DMD: variants seen among roughly 807,000 people sequenced by gnomAD.
DMD encodes mutant dystrophin.
In DMD, 63 loss-of-function variants were observed where a neutral mutation model predicts 330.1. That is an observed-to-expected ratio of 0.19 (90% confidence interval 0.16 to 0.24). The LOEUF (loss-of-function observed/expected upper bound fraction) is 0.24, where lower values mean the gene tolerates loss of function less well. DMD is among the 10% of genes least tolerant of loss of function. The pLI is 1.00. For missense variants in DMD, 3,344 were observed against 2,684.1 expected (o/e 1.25, Z -5.43); for synonymous variants, 1,223 against 959.8 (o/e 1.27, Z -5.07).
chrX:33,116,417 G>C (rs1478994241), intron 1 of DMD, among the ~76,000 whole-genome samples: 1 of 110,477 alleles, frequency 9.1e-6, no homozygotes, highest in Non-Finnish European at 1.9e-5. Flanking sequence ...GCTGAGGTGG[G>C]AGGATCACTT....
chrX:31,596,881 C>T (rs1384646219), intron 55 of DMD, among the ~76,000 whole-genome samples: 2 of 112,096 alleles, frequency 1.8e-5, no homozygotes, highest in African/African-American at 6.5e-5. Flanking sequence ...CTGGGACCTA[C>T]TGAATCAGCA....
At chrX:31,584,746 G>C (rs1478425650) in intron 55 of DMD, among the ~76,000 whole-genome samples, 1 of 111,191 alleles carries the variant, frequency 9.0e-6, no homozygotes. Flanking sequence ...CAGGTGGAGG[G>C]GTGAAGGAGC....
intron 55 of DMD, among the ~76,000 whole-genome samples, chrX:31,522,901 A>G (rs1376418499): frequency 9.0e-6 from 1 of 111,386 alleles, no homozygotes; most frequent in Non-Finnish European, 1.9e-5. Context: ...GGAGTCAGAC[A>G]GTCTATGTTG....
At chrX:32,927,408 G>C (rs1327955959) in intron 2 of DMD, among the ~76,000 whole-genome samples, 1 of 80,387 alleles carries the variant, frequency 1.2e-5, no homozygotes, top group Non-Finnish European at 2.3e-5. Flanking sequence ...CACTCTTGTT[G>C]CCCAGGCTGG....
At chrX:31,906,867 C>A (rs1239642327) in intron 47 of DMD, among the ~76,000 whole-genome samples, 1 of 111,977 alleles carries the variant, frequency 8.9e-6, no homozygotes, top group Non-Finnish European at 1.9e-5. Context: ...AATTTCAGGT[C>A]CATGTCTTAA....
chrX:33,193,176 A>C (rs989403875), intron 1 of DMD, among the ~76,000 whole-genome samples: 17 of 110,916 alleles, frequency 1.5e-4, no homozygotes, highest in African/African-American at 2.6e-4. Flanking sequence ...GCATGGTGGG[A>C]CCCGCCTGTA....
chrX:32,475,174 G>C, intron 21 of DMD, among the ~76,000 whole-genome samples: 1 of 110,689 alleles, frequency 9.0e-6, no homozygotes. Context: ...TAAGTATTTT[G>C]GTTTATTTCT....
At chrX:31,831,268 A>G (rs2093023057) in intron 49 of DMD, among the ~76,000 whole-genome samples, 1 of 112,424 alleles carries the variant, frequency 8.9e-6, no homozygotes. Flanking sequence ...GAGCTCTACA[A>G]TTCTAGAATA....
intron 15 of DMD, among the ~76,000 whole-genome samples, chrX:32,571,415 C>G (rs766955358): frequency 9.0e-6 from 1 of 111,486 alleles, no homozygotes; most frequent in South Asian, 3.8e-4. Context: ...AATCTTTATT[C>G]TCCTCACTTT....
chrX:32,014,132 T>C (rs1193008762), intron 44 of DMD, among the ~76,000 whole-genome samples: 2 of 112,407 alleles, frequency 1.8e-5, no homozygotes, highest in African/African-American at 3.2e-5. Flanking sequence ...CATTAGTAGT[T>C]AATTAAGAAG....
intron 33 of DMD, 138 bp downstream of exon 33, chrX:32,386,162 GTGTGTATATA>G: frequency 1.8e-6 from 1 of 552,591 alleles, no homozygotes; most frequent in Non-Finnish European, 3.1e-6. Flanking sequence ...ATACGTATAT[GTGTGTATATA>G]TATACGTATA....
At chrX:31,258,824 A>T in intron 63 of DMD, among the ~76,000 whole-genome samples, 1 of 111,843 alleles carries the variant, frequency 8.9e-6, no homozygotes. Context: ...GTATTCATTG[A>T]TAGTCCATAA....
chrX:32,370,098 G>A (rs759554134), intron 34 of DMD, among the ~76,000 whole-genome samples: 6 of 110,983 alleles, frequency 5.4e-5, no homozygotes, highest in South Asian at 7.5e-4. Flanking sequence ...TAACATATTC[G>A]TGGAAAGAAA....
intron 2 of DMD, among the ~76,000 whole-genome samples, chrX:32,903,561 C>T (rs1047055695): frequency 9.0e-6 from 1 of 111,444 alleles, no homozygotes; most frequent in Non-Finnish European, 1.9e-5. Flanking sequence ...CCCTCATACC[C>T]AGAGATTCTG....
chrX:33,183,552 A>G (rs1033356096), intron 1 of DMD, among the ~76,000 whole-genome samples: 1 of 111,674 alleles, frequency 9.0e-6, no homozygotes, highest in Non-Finnish European at 1.9e-5. Context: ...CAGCACCACA[A>G]GAGCATGTGC....
At chrX:31,587,624 T>C (rs1603408292) in intron 55 of DMD, among the ~76,000 whole-genome samples, 1 of 111,896 alleles carries the variant, frequency 8.9e-6, no homozygotes, top group Non-Finnish European at 1.9e-5. Context: ...GTATTTTTTT[T>C]CCTTGGCCTC....
rs1028410505 is a variant in DMD, at chrX:32,830,294, A to T, written c.265-6907T>A. Among the ~76,000 whole-genome samples the T allele has an allele frequency of 4.5e-5, 5 of 111,011 alleles. No individual in the cohort carries two copies. In the South Asian group the frequency reaches 1.9e-3, roughly 42 times the overall value. On this transcript the variant is annotated intron_variant, in intron 4 of 78. Coordinates refer to ENST00000357033, the MANE Select transcript of DMD (RefSeq NM_004006.3). ...CCTGCCATACAGTAACTTCTCTTTT[A>T]TGTTTTTTTTTCTAATACACATTCC... is the stretch of plus-strand genomic sequence containing the variant.
intron 7 of DMD, among the ~76,000 whole-genome samples, chrX:32,721,947 G>T (rs1310025550): frequency 2.8e-5 from 3 of 108,929 alleles, no homozygotes; most frequent in African/African-American, 1.0e-4. Context: ...TGGTGGTCCT[G>T]TCCAAAATTA....
intron 59 of DMD, among the ~76,000 whole-genome samples, chrX:31,448,139 T>G (rs1285090218): frequency 1.8e-5 from 2 of 110,501 alleles, no homozygotes; most frequent in East Asian, 5.6e-4. Context: ...AACAGATAAC[T>G]GGGGGCAAAG....
Sources: allele counts gnomAD v4.1 joint callset (sites outside exome capture counted in the v4.1 genomes callset), GRCh38; gene constraint gnomAD v4.1.1; transcripts MANE v1.5; gene names NCBI Gene and HGNC (gene_info 2026-07-23, HGNC 2026-07-21).